C13orf46: variants seen among roughly 807,000 people sequenced by gnomAD.
C13orf46 encodes uncharacterized protein C13orf46.
rs1172697888 is a variant in C13orf46 at position 113,955,047 on chromosome 13, G to C, written c.*1726C>G. On this transcript the variant is annotated 3_prime_UTR_variant, in exon 7 of 7. Coordinates refer to ENST00000636427, the MANE Select transcript of C13orf46 (RefSeq NM_001365455.2). ...GAGAGGAGGAGTAGGATCTGGCGGAGAGGAGGAGCATCCGGCGGGGATGAG... is the reference window on the plus strand; with the variant it reads ...GAGAGGAGGAGTAGGATCTGGCGGACAGGAGGAGCATCCGGCGGGGATGAG... 1 of 192,032 alleles carries C rather than the reference G, an allele frequency of 5.2e-6. No individual in the cohort carries two copies. Among genetic ancestry groups the C allele is most frequent in the Non-Finnish European group, 1.1e-5 (1 of 93,878 alleles). 11.9% of individuals were successfully genotyped at this position (192,032 alleles called of 1,614,324 possible).
At chr13:113,945,575 A>AAGAAAGAAAGAGAG in the C13orf46 span, among the ~76,000 whole-genome samples, 27 of 89,134 alleles carry the variant, frequency 3.0e-4, 1 homozygote, top group African/African-American at 8.4e-4. Context: ...GAAAGAAAGA[A>AAGAAAGAAAGAGAG]AGAGAGAGAG....
chr13:113,947,606 G>C, the C13orf46 span, among the ~76,000 whole-genome samples: 1 of 152,198 alleles, frequency 6.6e-6, no homozygotes, highest in African/African-American at 2.4e-5. Flanking sequence ...TGGGTGGAGC[G>C]GGGAGCTGGC....
chr13:113,947,539 A>G, the C13orf46 span, among the ~76,000 whole-genome samples: 1 of 152,104 alleles, frequency 6.6e-6, no homozygotes, highest in Admixed American at 6.5e-5. Context: ...TTTACCTGAA[A>G]TGATGGCCCA....
chr13:113,961,252 A>G (rs1438835856), intron 6 of C13orf46, among the ~76,000 whole-genome samples: 6 of 152,132 alleles, frequency 3.9e-5, no homozygotes, highest in African/African-American at 1.2e-4. Flanking sequence ...TTTAATTGTG[A>G]GCATGTTATT....
chr13:113,945,097 T>C, the C13orf46 span, among the ~76,000 whole-genome samples: 1 of 152,112 alleles, frequency 6.6e-6, no homozygotes, highest in Non-Finnish European at 1.5e-5. Flanking sequence ...TCCAGGTGTG[T>C]GACGGGCTCT....
chr13:113,949,039 C>T (rs989897326), downstream of C13orf46, among the ~76,000 whole-genome samples: 1,510 of 152,316 alleles, frequency 9.9e-3, 30 homozygotes, highest in African/African-American at 0.033. Context: ...CCCCCCTCAC[C>T]GCCCCCACTC....
At chr13:113,934,195 T>C in the C13orf46 span, among the ~76,000 whole-genome samples, 3 of 152,332 alleles carry the variant, frequency 2.0e-5, no homozygotes, top group Non-Finnish European at 2.9e-5. Flanking sequence ...GCTGAGCACG[T>C]TGTGTGGTGT....
downstream of C13orf46, among the ~76,000 whole-genome samples, chr13:113,953,432 G>A (rs1475031376): frequency 3.3e-5 from 5 of 152,106 alleles, no homozygotes; most frequent in Non-Finnish European, 7.4e-5. Flanking sequence ...CCCAGCACTG[G>A]CCCTGATCAG....
At chr13:113,927,046 C>G in the C13orf46 span, 1 of 152,572 alleles carries the variant, frequency 6.6e-6, no homozygotes, top group Non-Finnish European at 1.5e-5. Context: ...TCTAGCTGTG[C>G]CTTCTCTGTG....
Position 113,954,893 on chromosome 13 carries a change from A to G in C13orf46, c.*1880T>C. ...GGAGGAGGAGCATCTGGCAGAGACG[A>G]GGAGCATCTGGCGGAGACGAGGAGG... On this transcript the variant is annotated 3_prime_UTR_variant, in exon 7 of 7. Transcript: ENST00000636427. 1 of 188,722 alleles carries G rather than the reference A, an allele frequency of 5.3e-6. No individual in the cohort carries two copies. The highest frequency in any genetic ancestry group is 8.0e-5 in the South Asian group (1 of 12,544). The allele number at this position is 188,722 out of a possible 1,614,324, so 11.7% of individuals were successfully genotyped here.
chr13:113,952,011 C>T (rs1172044820), downstream of C13orf46, among the ~76,000 whole-genome samples: 1 of 152,208 alleles, frequency 6.6e-6, no homozygotes, highest in East Asian at 1.9e-4. Context: ...GGCATCTAAA[C>T]CCAGACAGAG....
chr13:113,962,951 ACT>A (rs2052598888), intron 6 of C13orf46, among the ~76,000 whole-genome samples: 1 of 152,116 alleles, frequency 6.6e-6, no homozygotes. Context: ...AGAGGCAGAG[ACT>A]CTGCTGAGTT....
downstream of C13orf46, among the ~76,000 whole-genome samples, chr13:113,951,094 T>C (rs1434085489): frequency 6.6e-6 from 1 of 152,326 alleles, no homozygotes; most frequent in African/African-American, 2.4e-5. Context: ...GGGGCCCTCA[T>C]GGGCGTGTGG....
the C13orf46 span, among the ~76,000 whole-genome samples, chr13:113,947,335 G>A: frequency 1.2e-4 from 19 of 152,120 alleles, no homozygotes; most frequent in African/African-American, 3.6e-4. Flanking sequence ...GCAGGAGGGC[G>A]GACCAACCTC....
Position 113,954,486 on chromosome 13 carries a change from C to T in C13orf46, c.*2287G>A, listed in dbSNP as rs2052505330. On this transcript the variant is annotated 3_prime_UTR_variant, in exon 7 of 7. Coordinates refer to ENST00000636427, the MANE Select transcript of C13orf46 (RefSeq NM_001365455.2). Reference sequence around the variant, plus strand: ...TGAGTGGGGAGCATGTGGCTTCCCTCCAGGGACAGATCCTAGTGCCAGCAC... The same window carrying T: ...TGAGTGGGGAGCATGTGGCTTCCCTTCAGGGACAGATCCTAGTGCCAGCAC... 1 of 152,384 alleles carries T rather than the reference C, an allele frequency of 6.6e-6. No homozygotes were observed. The highest frequency in any genetic ancestry group is 2.4e-5 in the African/African-American group (1 of 41,468). The allele number at this position is 152,384 out of a possible 1,614,324, so 9.4% of individuals were successfully genotyped here.
chr13:113,969,112 C>T (rs1280351849), intron 2 of C13orf46, among the ~76,000 whole-genome samples: 1 of 152,280 alleles, frequency 6.6e-6, no homozygotes, highest in African/African-American at 2.4e-5. Flanking sequence ...GATCCACACT[C>T]CATGTGGATA....
At position 113,955,223 on chromosome 13, in the gene C13orf46, TGGAGACGAGGAGCATCTGGC is replaced by T. The variant is rs1594241144; in HGVS notation, c.*1530_*1549del. On this transcript the variant is annotated 3_prime_UTR_variant, in exon 7 of 7. Transcript: ENST00000636427. ...TCCCGTGGAGACGAGGAGCATCCCGTGGAGACGAGGAGCATCTGGCGGAGACGAGGAGCATCTGGCGGAGA... is the reference window on the plus strand; with the variant it reads ...TCCCGTGGAGACGAGGAGCATCCCGTGGAGACGAGGAGCATCTGGCGGAGA... The T allele has an allele frequency of 2.1e-4, 34 of 160,540 alleles. No homozygotes were observed. Among genetic ancestry groups the T allele is most frequent in the African/African-American group, 7.8e-4 (23 of 29,394 alleles). 9.9% of individuals were successfully genotyped at this position (160,540 alleles called of 1,614,324 possible).
Position 113,955,656 on chromosome 13 carries a change from AGAGACAAG to A in C13orf46, c.*1109_*1116del, listed in dbSNP as rs2052522726. On this transcript the variant is annotated 3_prime_UTR_variant, in exon 7 of 7. Transcript: ENST00000636427. ...GCGGAGACGAGGAGTAGTGTCTGGC[AGAGACAAG>A]GAGTAGTGTCTGGCAGAGACGAGGA... The A allele has an allele frequency of 2.5e-5, 1 of 39,832 alleles. No individual in the cohort carries two copies. The highest frequency in any genetic ancestry group is 8.1e-5 in the African/African-American group (1 of 12,366). 2.5% of individuals were successfully genotyped at this position (39,832 alleles called of 1,614,324 possible).
the C13orf46 span, among the ~76,000 whole-genome samples, chr13:113,936,825 C>T: frequency 6.6e-6 from 1 of 152,038 alleles, no homozygotes; most frequent in African/African-American, 2.4e-5. Flanking sequence ...AATCAGTTGT[C>T]AGACTTGCAA....
Sources: allele counts gnomAD v4.1 joint callset (sites outside exome capture counted in the v4.1 genomes callset), GRCh38; gene constraint gnomAD v4.1.1; transcripts MANE v1.5; gene names NCBI Gene and HGNC (gene_info 2026-07-23, HGNC 2026-07-21).